Variants in PTPN13 observed in about 807,000 individuals in gnomAD.
PTPN13 encodes the protein protein tyrosine phosphatase non-receptor type 13.
PTPN13 carries 191 observed loss-of-function variants against 284.0 expected under a neutral mutation model. That is an observed-to-expected ratio of 0.67 (90% CI 0.60 to 0.76). PTPN13 has a LOEUF of 0.76. Ranked by LOEUF, PTPN13 falls within the 30% of genes least tolerant of loss-of-function variation. The pLI is 0.00. For synonymous variants in PTPN13, 986 were observed against 1,022.3 expected, an observed-to-expected ratio of 0.96 and a Z score of 0.68; for missense variants, 2,797 against 2,939.9, an observed-to-expected ratio of 0.95 and a Z score of 1.12.
At chr4:86,739,171 A>G (rs1322990949) in intron 15 of PTPN13, among the ~76,000 whole-genome samples, 1 of 152,152 alleles carries the variant, frequency 6.6e-6, no homozygotes, top group East Asian at 1.9e-4. Flanking sequence ...TTTCATGTGT[A>G]GGGTGAAGTA....
At chr4:86,784,615 T>G (rs576167184) in intron 38 of PTPN13, 57 bp downstream of exon 38, 129 of 1,067,634 alleles carry the variant, frequency 1.2e-4, no homozygotes, top group Middle Eastern at 7.1e-4. Flanking sequence ...TTCAGGTAAT[T>G]AAAAAAAAAT....
At chr4:86,629,084 A>G (rs1037623361) in intron 1 of PTPN13, among the ~76,000 whole-genome samples, 4 of 151,698 alleles carry the variant, frequency 2.6e-5, no homozygotes, top group African/African-American at 9.7e-5. Context: ...AACAAAAGCC[A>G]AAATTGACAA....
At chr4:86,761,167 T>TATATATATATATAA (rs1389364546) in intron 23 of PTPN13, among the ~76,000 whole-genome samples, 1 of 145,968 alleles carries the variant, frequency 6.9e-6, no homozygotes, top group African/African-American at 2.5e-5. Flanking sequence ...TATATATATA[T>TATATATATATATAA]ATAAACACAA....
intron 1 of PTPN13, among the ~76,000 whole-genome samples, chr4:86,599,250 T>A (rs1365687404): frequency 6.6e-6 from 1 of 152,180 alleles, no homozygotes; most frequent in African/African-American, 2.4e-5. Context: ...TGCAGCAACA[T>A]TTTTTGTGTT....
At chr4:86,759,962 TA>T (rs561835555) in intron 23 of PTPN13, among the ~76,000 whole-genome samples, 13 of 152,014 alleles carry the variant, frequency 8.6e-5, no homozygotes, top group Middle Eastern at 3.4e-3. Context: ...AAAGAATTAG[TA>T]AAAAAAATTA....
intron 35 of PTPN13, among the ~76,000 whole-genome samples, chr4:86,778,722 C>CT (rs1740928240): frequency 6.6e-6 from 1 of 151,954 alleles, no homozygotes; most frequent in African/African-American, 2.4e-5. Flanking sequence ...TGATTTCTTT[C>CT]TTTAAAAAAA....
At chr4:86,758,383 T>C in intron 21 of PTPN13, 34 bp downstream of exon 21, 1 of 1,506,832 alleles carries the variant, frequency 6.6e-7, no homozygotes, top group Non-Finnish European at 9.2e-7. Context: ...AGGTCTATGA[T>C]TGTTGGGGAT....
intron 6 of PTPN13, among the ~76,000 whole-genome samples, chr4:86,693,921 G>T (rs1164444564): frequency 6.6e-6 from 1 of 151,450 alleles, no homozygotes; most frequent in Non-Finnish European, 1.5e-5. Flanking sequence ...TTCCAGTATT[G>T]GTATATCAAT....
chr4:86,802,825 AC>A (rs1431191899), intron 42 of PTPN13, among the ~76,000 whole-genome samples: 1 of 152,188 alleles, frequency 6.6e-6, no homozygotes, highest in Non-Finnish European at 1.5e-5. Context: ...GAATCCCAAC[AC>A]TTTGGGAGGC....
chr4:86,688,272 C>T (rs1025571352), intron 4 of PTPN13, among the ~76,000 whole-genome samples: 4 of 152,146 alleles, frequency 2.6e-5, no homozygotes, highest in African/African-American at 9.7e-5. Context: ...AAACTCCCGT[C>T]AGCTTGGATG....
In PTPN13 at chr4:86,767,949, G is replaced by A. The variant is rs745772563; in HGVS notation, c.4462G>A (p.Val1488Ile). 93 of 1,611,548 alleles carry A rather than the reference G, an allele frequency of 5.8e-5. 1 individual carries two copies. The South Asian group carries it at 9.1e-4, about 16-fold the overall frequency. ...GPEKVKKTTQ[V>I]KDYSFVTEEN... ...AGAAAAAGTGAAGAAAACAACTCAG[G>A]TCAAAGACTACAGCTTTGTCACTGA... The change falls in exon 28 of 48, where the codon GTC (valine) becomes ATC (isoleucine). Residue 1488 changes from valine (V) to isoleucine (I), a missense_variant. Physicochemically the swap from Val to Ile is conservative, Grantham distance 29 (BLOSUM62 3). Coordinates refer to ENST00000411767, the MANE Select transcript of PTPN13 (RefSeq NM_080683.3).
chr4:86,617,234 A>C (rs1173965485), intron 1 of PTPN13, among the ~76,000 whole-genome samples: 1 of 152,146 alleles, frequency 6.6e-6, no homozygotes, highest in African/African-American at 2.4e-5. Flanking sequence ...ATTTACATTA[A>C]TTAAAATTAA....
At chr4:86,608,745 A>C (rs989613491) in intron 1 of PTPN13, among the ~76,000 whole-genome samples, 2 of 152,180 alleles carry the variant, frequency 1.3e-5, no homozygotes, top group African/African-American at 4.8e-5. Flanking sequence ...GTATTTTAAT[A>C]GTGAAAATCA....
chr4:86,775,430 T>C lies in PTPN13; in HGVS notation c.5681-12T>C, dbSNP rs1222317462. ...TATGACTGAGAAAACAAATATTTTC[T>C]ATTATTTCAAGGTTTTTCCTTATGT... On this transcript the variant is annotated splice_polypyrimidine_tract_variant and intron_variant, in intron 34 of 47. Coordinates refer to ENST00000411767, the MANE Select transcript of PTPN13 (RefSeq NM_080683.3). 1.9e-6 allele frequency: 3 copies of C among 1,597,084 alleles called. No individual in the cohort carries two copies. The highest frequency in any genetic ancestry group is 1.1e-5 in the South Asian group (1 of 90,400).
intron 10 of PTPN13, among the ~76,000 whole-genome samples, chr4:86,723,712 T>C (rs569239755): frequency 6.6e-6 from 1 of 152,232 alleles, no homozygotes; most frequent in Non-Finnish European, 1.5e-5. Context: ...CATATTCTTA[T>C]GTATTCTGGA....
chr4:86,597,528 T>G (rs985488325), intron 1 of PTPN13, among the ~76,000 whole-genome samples: 6 of 152,236 alleles, frequency 3.9e-5, no homozygotes, highest in African/African-American at 1.2e-4. Flanking sequence ...GTTGAAAGTT[T>G]CATACTAGCT....
chr4:86,716,450 C>A, intron 7 of PTPN13, 80 bp from the exon 8 acceptor site: 1 of 855,002 alleles, frequency 1.2e-6, no homozygotes. Context: ...TTTAGTCCCA[C>A]AGGATTAAAA....
At chr4:86,633,572 T>C (rs1722696161) in intron 1 of PTPN13, among the ~76,000 whole-genome samples, 1 of 152,186 alleles carries the variant, frequency 6.6e-6, no homozygotes, top group African/African-American at 2.4e-5. Flanking sequence ...AAATTCTTGT[T>C]CTATCTTTGC....
intron 35 of PTPN13, among the ~76,000 whole-genome samples, chr4:86,776,955 G>C (rs1740724355): frequency 6.6e-6 from 1 of 152,116 alleles, no homozygotes; most frequent in Admixed American, 6.5e-5. Flanking sequence ...CCAGAGCTGG[G>C]ATAGGATTAA....
Sources: gnomAD v4.1 joint callset for allele counts (sites outside exome capture counted in the v4.1 genomes callset) on GRCh38, gnomAD v4.1.1 for gene constraint, MANE v1.5 for transcripts, NCBI Gene and HGNC (gene_info 2026-07-23, HGNC 2026-07-21) for gene names.